Variants in HECW2 observed in about 807,000 individuals in gnomAD.
The protein encoded by HECW2 is E3 ubiquitin-protein ligase HECW2.
HECW2 carries 61 observed loss-of-function variants against 175.2 expected under a neutral mutation model. The ratio of observed to expected loss-of-function variants is 0.35; its 90% confidence interval spans 0.28 to 0.43. The LOEUF (loss-of-function observed/expected upper bound fraction) is 0.43. Ranked by LOEUF, HECW2 falls within the 20% of genes least tolerant of loss-of-function variation. The pLI, the probability that HECW2 is intolerant of heterozygous loss-of-function variation, is 1.00. For synonymous variants in HECW2, 671 were observed against 731.0 expected (o/e 0.92, Z 1.32); for missense variants, 1,524 against 2,000.5 (o/e 0.76, Z 4.54).
At chr2:196,470,027 AT>A (rs1697130921) in intron 1 of HECW2, among the ~76,000 whole-genome samples, 1 of 152,138 alleles carries the variant, frequency 6.6e-6, no homozygotes, top group African/African-American at 2.4e-5. Context: ...ATCTATAAAA[AT>A]AATATACATA....
rs1031818085 is a variant in HECW2 at position 196,198,649 on chromosome 2, A to T, written c.*2628T>A. The T allele has an allele frequency of 1.3e-5, 2 of 152,198 alleles. No homozygotes were observed. The highest frequency in any genetic ancestry group is 2.9e-5 in the Non-Finnish European group (2 of 68,040). 9.4% of individuals were successfully genotyped at this position (152,198 alleles called of 1,614,324 possible). ...TATTAAGAGTGTCTTCTATAGTATAAAGAGCATCACTTAAAATAAGACCAG... is the reference window on the plus strand; with the variant it reads ...TATTAAGAGTGTCTTCTATAGTATATAGAGCATCACTTAAAATAAGACCAG... On this transcript the variant is annotated 3_prime_UTR_variant, in exon 29 of 29. Transcript: ENST00000644978.
intron 1 of HECW2, among the ~76,000 whole-genome samples, chr2:196,482,073 A>G (rs114690647): frequency 4.7e-4 from 71 of 152,362 alleles, no homozygotes; most frequent in African/African-American, 1.6e-3. Context: ...AAGTGCCATT[A>G]AAGGCACCAA....
chr2:196,222,281 C>G lies in HECW2; in HGVS notation c.4076G>C (p.Trp1359Ser). ...LDEEFHQSLQ[W>S]MKDNDIHDIL... ...GTCATGGATATCATTGTCTTTCATCCACTGCAGGCTCTGATGGAACTCTTC... is the reference window on the plus strand; with the variant it reads ...GTCATGGATATCATTGTCTTTCATCGACTGCAGGCTCTGATGGAACTCTTC... The change falls in exon 24 of 29, where the codon TGG becomes TCG. Residue 1359 changes from tryptophan (W) to serine (S), a missense_variant. By Grantham distance (177) the Trp-to-Ser change is radical. This residue lies in a region of HECW2 where 134 missense variants were observed against 287.8 expected (regional missense o/e 0.47). Transcript: ENST00000644978. 1 of 1,613,558 alleles carries G rather than the reference C, an allele frequency of 6.2e-7. No homozygotes were observed. The highest frequency in any genetic ancestry group is 8.5e-7 in the Non-Finnish European group (1 of 1,179,602).
chr2:196,481,047 C>G (rs962708589), intron 1 of HECW2, among the ~76,000 whole-genome samples: 1 of 152,176 alleles, frequency 6.6e-6, no homozygotes, highest in African/African-American at 2.4e-5. Context: ...CACTTGTAGT[C>G]AGTAGACACT....
intron 28 of HECW2, among the ~76,000 whole-genome samples, chr2:196,202,560 T>C (rs987384204): frequency 2.6e-5 from 4 of 152,210 alleles, no homozygotes; most frequent in African/African-American, 9.6e-5. Context: ...CTTAATAGAA[T>C]GACTGGCTCA....
In HECW2 at chr2:196,196,737, G is replaced by A. The variant is rs1162447320; in HGVS notation, c.*4540C>T. 6.5e-6 allele frequency: 1 copy of A among 152,810 alleles called. No homozygotes were observed. Among genetic ancestry groups the A allele is most frequent in the African/African-American group, 2.4e-5 (1 of 41,440 alleles). The allele number at this position is 152,810 out of a possible 1,614,324, so 9.5% of individuals were successfully genotyped here. A position where few individuals can be genotyped will look rare whatever the true frequency, so the allele number is the denominator to read the frequency against. On this transcript the variant is annotated 3_prime_UTR_variant, in exon 29 of 29. Transcript: ENST00000644978. ...GGCTTGAGCCTGGAAGGCAGAGGTT[G>A]CAGTGAGCCAAGATCATGCCACTGC...
At chr2:196,497,467 G>C (rs1469729176) in intron 1 of HECW2, among the ~76,000 whole-genome samples, 1 of 152,152 alleles carries the variant, frequency 6.6e-6, no homozygotes, top group Admixed American at 6.5e-5. Context: ...GGAGATTGTT[G>C]ACTTAACTGA....
At chr2:196,355,364 C>A (rs939871141) in intron 2 of HECW2, among the ~76,000 whole-genome samples, 32 of 152,274 alleles carry the variant, frequency 2.1e-4, no homozygotes, top group African/African-American at 6.5e-4. Context: ...GAAGTATGGC[C>A]AGCATTTGGT....
intron 2 of HECW2, among the ~76,000 whole-genome samples, chr2:196,366,410 T>C (rs954493247): frequency 6.6e-6 from 1 of 152,216 alleles, no homozygotes; most frequent in Non-Finnish European, 1.5e-5. Flanking sequence ...CAAGCCAAAA[T>C]ATCAGCATTG....
At chr2:196,540,848 T>C (rs979276901) in intron 1 of HECW2, among the ~76,000 whole-genome samples, 3 of 152,186 alleles carry the variant, frequency 2.0e-5, no homozygotes, top group Non-Finnish European at 4.4e-5. Flanking sequence ...ACTTTCTCCA[T>C]AGGATAATCA....
intron 1 of HECW2, among the ~76,000 whole-genome samples, chr2:196,476,238 G>A (rs1270560986): frequency 6.6e-6 from 1 of 152,094 alleles, no homozygotes; most frequent in Non-Finnish European, 1.5e-5. Context: ...GAGGTCAGGA[G>A]TTTGAGACCA....
At chr2:196,478,070 C>CA (rs1259671632) in intron 1 of HECW2, among the ~76,000 whole-genome samples, 4 of 151,642 alleles carry the variant, frequency 2.6e-5, no homozygotes, top group Non-Finnish European at 5.9e-5. Flanking sequence ...AACAAACATC[C>CA]AAAAAACAAA....
chr2:196,201,037 T>G lies in HECW2; in HGVS notation c.*240A>C. 2.3e-6 allele frequency: 1 copy of G among 427,812 alleles called. No individual in the cohort carries two copies. Among genetic ancestry groups the G allele is most frequent in the Non-Finnish European group, 4.4e-6 (1 of 229,040 alleles). The allele number at this position is 427,812 out of a possible 1,614,324, so 26.5% of individuals were successfully genotyped here. On this transcript the variant is annotated 3_prime_UTR_variant, in exon 29 of 29. Transcript: ENST00000644978. ...ATAACAAATGGAAAAAGTTTGGCAG[T>G]CAAGAACTGTTGATTGAAAGACGGT...
At chr2:196,553,238 C>A (rs574622718) in intron 1 of HECW2, among the ~76,000 whole-genome samples, 1 of 152,336 alleles carries the variant, frequency 6.6e-6, no homozygotes, top group South Asian at 2.1e-4. Context: ...GTATGCACTA[C>A]ATGTAGTAAT....
At chr2:196,410,391 G>T (rs898279074) in intron 2 of HECW2, among the ~76,000 whole-genome samples, 1 of 152,126 alleles carries the variant, frequency 6.6e-6, no homozygotes, top group Admixed American at 6.5e-5. Context: ...GTCAGAGAGA[G>T]CAGAACTTAA....
chr2:196,316,479 A>C (rs916488734), intron 10 of HECW2: 35 of 152,336 alleles, frequency 2.3e-4, no homozygotes, highest in African/African-American at 8.4e-4. Context: ...GTAAGGCAAA[A>C]GGGTATACCT....
At chr2:196,330,794 G>A (rs1274736717) in intron 4 of HECW2, among the ~76,000 whole-genome samples, 1 of 152,078 alleles carries the variant, frequency 6.6e-6, no homozygotes, top group African/African-American at 2.4e-5. Context: ...CTCCAACCCT[G>A]CTTCTTGGCT....
At chr2:196,471,060 A>C (rs1376958273) in intron 1 of HECW2, among the ~76,000 whole-genome samples, 1 of 152,058 alleles carries the variant, frequency 6.6e-6, no homozygotes, top group Non-Finnish European at 1.5e-5. Context: ...AAGGACAAGG[A>C]GCAAGGGAGA....
At chr2:196,281,730 C>T (rs944655198) in intron 14 of HECW2, among the ~76,000 whole-genome samples, 3 of 150,012 alleles carry the variant, frequency 2.0e-5, no homozygotes, top group Non-Finnish European at 3.0e-5. Flanking sequence ...AGCTAAAGAC[C>T]CTAAAACCAC....
Sources: allele counts gnomAD v4.1 joint callset (sites outside exome capture counted in the v4.1 genomes callset), GRCh38; gene constraint gnomAD v4.1.1; regional missense constraint gnomAD v4.1.1; transcripts MANE v1.5; gene names NCBI Gene and HGNC (gene_info 2026-07-23, HGNC 2026-07-21).